Variants in TMTC4 observed in about 807,000 individuals in gnomAD.
TMTC4 encodes the protein transmembrane O-mannosyltransferase targeting cadherins 4.
Under a neutral mutation model 86.0 loss-of-function variants are expected in TMTC4, and 65 were observed. That is an observed-to-expected ratio of 0.76 (90% CI 0.62 to 0.93). The LOEUF (loss-of-function observed/expected upper bound fraction) is 0.93, where lower values mean the gene tolerates loss of function less well. Ranked by LOEUF, TMTC4 falls within the 40% of genes least tolerant of loss-of-function variation. TMTC4 has a pLI of 0.00. For missense variants in TMTC4, 866 were observed against 948.1 expected, an observed-to-expected ratio of 0.91 and a Z score of 1.14; for synonymous variants, 379 against 382.5, an observed-to-expected ratio of 0.99 and a Z score of 0.11.
At chr13:100,664,515 G>A (rs552290714) in intron 3 of TMTC4, among the ~76,000 whole-genome samples, 179 bp from the exon 4 acceptor site, 1 of 152,098 alleles carries the variant, frequency 6.6e-6, no homozygotes, top group Non-Finnish European at 1.5e-5. Flanking sequence ...TTCAAACACC[G>A]ATCAGCTTTC....
intron 6 of TMTC4, among the ~76,000 whole-genome samples, chr13:100,646,166 T>C (rs1408208953): frequency 1.3e-5 from 2 of 152,184 alleles, no homozygotes; most frequent in African/African-American, 2.4e-5. Context: ...CAGGTGGCTC[T>C]GATGCTCCCT....
intron 6 of TMTC4, among the ~76,000 whole-genome samples, chr13:100,650,329 T>C (rs1884275116): frequency 6.6e-6 from 1 of 152,104 alleles, no homozygotes; most frequent in African/African-American, 2.4e-5. Context: ...GGGAAAAAAA[T>C]GCAATGACAG....
Position 100,605,087 on chromosome 13 carries a change from G to T in TMTC4, c.2190C>A (p.Ile730=), listed in dbSNP as rs776496794. ...ATGCCGTGGGGTCAAGCTGCAAGGA[G>T]ATTTCATAGTGTTTCTTGGCCAAGT... is the stretch of plus-strand genomic sequence containing the variant. ...HLDLAKKHYE[I]SLQLDPTASG... is the part of the protein sequence containing the mutation. Residue 730 remains isoleucine, a synonymous_variant, in exon 19 of 19, where the codon ATC becomes ATA. Coordinates refer to ENST00000342624, the MANE Select transcript of TMTC4 (RefSeq NM_032813.5). The surrounding 1 kb of genome is among the most constrained non-coding windows in gnomAD (Gnocchi z 4.3). 2 of 1,614,016 alleles carry T rather than the reference G, an allele frequency of 1.2e-6. No individual in the cohort carries two copies. The highest frequency in any genetic ancestry group is 1.7e-6 in the Non-Finnish European group (2 of 1,179,992).
intron 6 of TMTC4, among the ~76,000 whole-genome samples, chr13:100,653,666 A>G (rs1263533907): frequency 6.6e-6 from 1 of 152,222 alleles, no homozygotes; most frequent in Non-Finnish European, 1.5e-5. Flanking sequence ...ATTCTGTCGG[A>G]AATCTGGAAG....
Position 100,662,955 on chromosome 13 carries a change from G to T in TMTC4, c.552+9C>A. 2 of 1,612,974 alleles carry T rather than the reference G, an allele frequency of 1.2e-6. No individual in the cohort carries two copies. The highest frequency in any genetic ancestry group is 2.2e-5 in the South Asian group (2 of 90,846). ...GTGCATACAGATGCCTCGGGCAGAC[G>T]ACACTTACACACTCGGTGTGCACAG... On this transcript the variant is annotated intron_variant, in intron 5 of 18. Transcript: ENST00000342624.
intron 6 of TMTC4, among the ~76,000 whole-genome samples, chr13:100,654,721 T>C (rs573427220): frequency 2.0e-4 from 31 of 152,176 alleles, no homozygotes; most frequent in East Asian, 3.8e-4. Context: ...GGCCAATACA[T>C]GTATCTGTTC....
intron 12 of TMTC4, among the ~76,000 whole-genome samples, chr13:100,631,441 C>T (rs1169522837): frequency 2.6e-5 from 4 of 152,166 alleles, no homozygotes; most frequent in Non-Finnish European, 4.4e-5. Flanking sequence ...AATTGTATCA[C>T]AGAGTTGATG....
intron 6 of TMTC4, among the ~76,000 whole-genome samples, chr13:100,642,804 G>A (rs1372641727): frequency 6.6e-6 from 1 of 152,296 alleles, no homozygotes; most frequent in Non-Finnish European, 1.5e-5. Flanking sequence ...GACACCAGGT[G>A]GCTTAGGATG....
chr13:100,633,537 G>A (rs948377630), intron 12 of TMTC4, among the ~76,000 whole-genome samples: 2 of 152,132 alleles, frequency 1.3e-5, no homozygotes, highest in East Asian at 1.9e-4. Context: ...AAGAATACAA[G>A]TGAAAAAATT....
intron 18 of TMTC4, 58 bp downstream of exon 18, chr13:100,606,300 A>G (rs1876581036): frequency 7.1e-7 from 1 of 1,413,088 alleles, no homozygotes; most frequent in African/African-American, 1.4e-5. Context: ...ATAGACATGC[A>G]CCCACTTCAT....
intron 7 of TMTC4, among the ~76,000 whole-genome samples, chr13:100,641,081 T>C (rs1882946155): frequency 6.6e-6 from 1 of 151,180 alleles, no homozygotes; most frequent in Non-Finnish European, 1.5e-5. Flanking sequence ...GAAGCCGAGG[T>C]ACAGTTTTTT....
intron 3 of TMTC4, among the ~76,000 whole-genome samples, chr13:100,667,066 A>T (rs1003806716): frequency 2.0e-5 from 3 of 152,236 alleles, no homozygotes; most frequent in Admixed American, 1.3e-4. Flanking sequence ...GGTTTAAAAA[A>T]GAACTGAAAC....
intron 2 of TMTC4, 43 bp from the exon 3 acceptor site, chr13:100,668,837 T>C (rs565715067): frequency 3.1e-6 from 5 of 1,595,348 alleles, no homozygotes; most frequent in East Asian, 4.5e-5. Context: ...TCAACACTGG[T>C]AGGACCGTTT....
At chr13:100,630,027 ATGTGTGTGTGTG>A (rs71121125) in intron 12 of TMTC4, among the ~76,000 whole-genome samples, 5 of 46,106 alleles carry the variant, frequency 1.1e-4, no homozygotes, top group African/African-American at 2.0e-4. Flanking sequence ...ATCTGTGTGT[ATGTGTGTGTGTG>A]TGTGTGTGTG....
At chr13:100,662,916 A>G in intron 5 of TMTC4, 48 bp downstream of exon 5, 2 of 1,600,548 alleles carry the variant, frequency 1.2e-6, no homozygotes, top group Non-Finnish European at 1.7e-6. Flanking sequence ...TGGGGGTGTC[A>G]TATCGCTTCT....
chr13:100,644,437 G>A (rs914904418), intron 6 of TMTC4, among the ~76,000 whole-genome samples: 7 of 152,032 alleles, frequency 4.6e-5, no homozygotes, highest in African/African-American at 1.7e-4. Flanking sequence ...CTCTACAATG[G>A]GGTTGAGACC....
chr13:100,637,557 G>A lies in TMTC4; in HGVS notation c.980C>T (p.Ala327Val). The change falls in exon 9 of 19, where the codon GCT becomes GTT. Residue 327 changes from alanine (A) to valine (V), a missense_variant. Coordinates refer to ENST00000342624, the MANE Select transcript of TMTC4 (RefSeq NM_032813.5). ...ACTCACCCTCACCAGCATGCTGTCA[G>A]CAAAGGAGGCCGGGTTGTCCACCTC... ...FTEVDNPASF[A>V]DSMLVRAVNY... is the part of the protein sequence containing the mutation. 1 of 1,613,826 alleles carries A rather than the reference G, an allele frequency of 6.2e-7. No homozygotes were observed. The highest frequency in any genetic ancestry group is 1.3e-5 in the African/African-American group (1 of 75,054).
intron 12 of TMTC4, among the ~76,000 whole-genome samples, chr13:100,632,041 ACACACACACACACT>A (rs1250263456): frequency 2.8e-5 from 2 of 70,176 alleles, no homozygotes; most frequent in Admixed American, 1.9e-4. Context: ...ACACACACAC[ACACACACACACACT>A]CTCTCTCTCT....
chr13:100,638,005 A>G lies in TMTC4; in HGVS notation c.759T>C (p.Phe253=), dbSNP rs1882501082. Residue 253 remains phenylalanine, a synonymous_variant, in exon 8 of 19, where the codon TTT becomes TTC. Transcript: ENST00000342624. ...TGAATTTGCCTATCACCAAGATGTC[A>G]AATACCGCATTTAAACCCTAAGAAA... ...GITVLGLNAV[F]DILVIGKFNV... 1 of 1,613,910 alleles carries G rather than the reference A, an allele frequency of 6.2e-7. No individual in the cohort carries two copies. The highest frequency in any genetic ancestry group is 1.7e-5 in the Admixed American group (1 of 59,986).
Sources: gnomAD v4.1 joint callset for allele counts (sites outside exome capture counted in the v4.1 genomes callset) on GRCh38, gnomAD v4.1.1 for gene constraint, Gnocchi (gnomAD v3.1) non-coding constraint, MANE v1.5 for transcripts, NCBI Gene and HGNC (gene_info 2026-07-23, HGNC 2026-07-21) for gene names.